Variants in SLC19A1 observed in about 807,000 individuals in gnomAD.
SLC19A1 encodes solute carrier family 19 member 1.
In SLC19A1, 37 loss-of-function variants were observed where a neutral mutation model predicts 35.3. The ratio of observed to expected loss-of-function variants is 1.05; its 90% CI spans 0.81 to 1.38. The LOEUF (loss-of-function observed/expected upper bound fraction) is 1.38, where lower values mean the gene tolerates loss of function less well. SLC19A1 is among the 40% of genes most tolerant of loss of function. The probability of loss-of-function intolerance (pLI) is 0.00; values close to 1 mark genes in which losing one functional copy is unlikely to be tolerated. For synonymous variants in SLC19A1, 460 were observed against 398.5 expected (o/e 1.15, Z -1.84); for missense variants, 831 against 826.9 (o/e 1.00, Z -0.06).
At chr21:45,510,117 C>T (rs370643343), downstream of SLC19A1, 114 of 1,597,076 alleles carry the variant, frequency 7.1e-5, no homozygotes, top group Non-Finnish European at 8.9e-5. Flanking sequence ...GGGGCATCCG[C>T]GGGGCCGACT....
intron 4 of SLC19A1, 96 bp from the exon 5 acceptor site, chr21:45,526,054 C>A: frequency 7.3e-7 from 1 of 1,379,064 alleles, no homozygotes. Context: ...GCCCATGACC[C>A]GCCCGGCAGC....
chr21:45,527,545 G>C (rs949483263), intron 4 of SLC19A1, among the ~76,000 whole-genome samples: 1 of 145,192 alleles, frequency 6.9e-6, no homozygotes, highest in African/African-American at 2.6e-5. Flanking sequence ...CTGGAGGTGA[G>C]TGGCAGCCAG....
At chr21:45,535,831 G>A (rs748344623) in intron 2 of SLC19A1, among the ~76,000 whole-genome samples, 3 of 152,244 alleles carry the variant, frequency 2.0e-5, no homozygotes, top group Non-Finnish European at 4.4e-5. Flanking sequence ...CACGTGGAAC[G>A]TCTCTCAAGT....
Position 45,506,305 on chromosome 21 carries a change from G to GC in SLC19A1, c.498-7694dup, listed in dbSNP as rs558586163. 6.8e-4 allele frequency: 254 copies of GC among 373,066 alleles called. 1 individual carries two copies. Among genetic ancestry groups the GC allele is most frequent in the African/African-American group, 4.8e-3 (227 of 47,696 alleles). The allele number at this position is 373,066 out of a possible 1,614,324, so 23.1% of individuals were successfully genotyped here. On this transcript the variant is annotated intron_variant, in intron 3 of 4. Coordinates refer to the SLC19A1 transcript ENST00000417954. ...CCTGACGGGACGAGGCGGCAGGGGG[G>GC]CTCAGGCCCTCCAGGGCCACGTGAC... is the stretch of plus-strand genomic sequence containing the variant.
In SLC19A1 at chr21:45,512,767, C is replaced by T. The variant is rs886057140; in HGVS notation, c.*2891G>A. The T allele has an allele frequency of 1.9e-5, 7 of 364,704 alleles. No homozygotes were observed. The East Asian group carries it at 3.5e-4, about 18-fold the overall frequency. The allele number at this position is 364,704 out of a possible 1,614,324, so 22.6% of individuals were successfully genotyped here. ...TGCTCGCCCCAGCAGGTGCTGACTT[C>T]ATCTCCCACCTAGCAGCACCGTTCT... On this transcript the variant is annotated 3_prime_UTR_variant, in exon 6 of 6. Coordinates refer to ENST00000311124, the MANE Select transcript of SLC19A1 (RefSeq NM_194255.4).
At chr21:45,546,029 C>T (rs749034016), upstream of SLC19A1, among the ~76,000 whole-genome samples, 1 of 152,232 alleles carries the variant, frequency 6.6e-6, no homozygotes, top group Non-Finnish European at 1.5e-5. Flanking sequence ...TCCCAGCGGC[C>T]AGGGGTAGCC....
At chr21:45,507,538 G>C (rs2037290502) in intron 3 of SLC19A1, 1 of 1,610,566 alleles carries the variant, frequency 6.2e-7, no homozygotes, top group Non-Finnish European at 8.5e-7. Flanking sequence ...CAGGTCCTGG[G>C]TGACCCTGCT....
At chr21:45,521,969 G>A (rs1248892909) in intron 5 of SLC19A1, among the ~76,000 whole-genome samples, 1 of 152,108 alleles carries the variant, frequency 6.6e-6, no homozygotes, top group East Asian at 1.9e-4. Context: ...AGGAAAAACT[G>A]TTAAATCAGA....
intron 5 of SLC19A1, among the ~76,000 whole-genome samples, chr21:45,523,009 A>G (rs1024051062): frequency 3.3e-5 from 5 of 152,292 alleles, no homozygotes; most frequent in Admixed American, 3.3e-4. Context: ...TGTATTATTT[A>G]TTAAACAGCA....
chr21:45,507,859 A>G (rs1177192834), downstream of SLC19A1, among the ~76,000 whole-genome samples: 1 of 152,206 alleles, frequency 6.6e-6, no homozygotes, highest in Non-Finnish European at 1.5e-5. Flanking sequence ...TCTGCCGCTC[A>G]TTGCCCTCCT....
At position 45,531,835 on chromosome 21, in the gene SLC19A1, G is replaced by C. The variant is rs1465512846; in HGVS notation, c.503C>G (p.Ser168Cys). The C allele has an allele frequency of 4.4e-6, 7 of 1,587,598 alleles. No individual in the cohort carries two copies. The highest frequency in any genetic ancestry group is 6.0e-6 in the Non-Finnish European group (7 of 1,167,680). ...AAVLLGVFTS[S>C]VLGQLLVTVG... is the part of the protein sequence containing the mutation. ...AGTGACCAGCAGCTGGCCCAGCACG[G>C]AGCTGGTGAACACGCCCAGCAGCAC... Residue 168 changes from serine (S) to cysteine (C), a missense_variant, in exon 3 of 6, where the codon TCC becomes TGC. Physicochemically the swap from Ser to Cys is moderately radical, Grantham distance 112. Coordinates refer to ENST00000311124, the MANE Select transcript of SLC19A1 (RefSeq NM_194255.4).
At chr21:45,525,044 G>A (rs2077561248) in intron 5 of SLC19A1, among the ~76,000 whole-genome samples, 1 of 152,226 alleles carries the variant, frequency 6.6e-6, no homozygotes, top group South Asian at 2.1e-4. Context: ...CACCTAACAG[G>A]CATTTGTGAG....
At chr21:45,502,607 A>G (rs1159350919) in intron 3 of SLC19A1, 1 of 152,342 alleles carries the variant, frequency 6.6e-6, no homozygotes, top group African/African-American at 2.4e-5. Flanking sequence ...AAGGCGAACA[A>G]CATTCCTGCA....
intron 5 of SLC19A1, among the ~76,000 whole-genome samples, chr21:45,523,826 G>C (rs981419126): frequency 6.6e-6 from 1 of 152,206 alleles, no homozygotes; most frequent in African/African-American, 2.4e-5. Context: ...ACTGCTGTCT[G>C]GGGACAGAGG....
chr21:45,512,829 G>A lies in SLC19A1; in HGVS notation c.*2829C>T, dbSNP rs368394587. 82 of 290,526 alleles carry A rather than the reference G, an allele frequency of 2.8e-4. No homozygotes were observed. Among genetic ancestry groups the A allele is most frequent in the African/African-American group, 1.6e-3 (73 of 45,462 alleles). The allele number at this position is 290,526 out of a possible 1,614,324, so 18.0% of individuals were successfully genotyped here. ...CCAGACCTGTTAGCAGACAGGCCCCGTGAGGCAATGGGAGCTGAGGCCACA... is the reference window on the plus strand; with the variant it reads ...CCAGACCTGTTAGCAGACAGGCCCCATGAGGCAATGGGAGCTGAGGCCACA... On this transcript the variant is annotated 3_prime_UTR_variant, in exon 6 of 6. Transcript: ENST00000311124.
rs761126883 is a variant in SLC19A1, at chr21:45,531,879, G to A, written c.459C>T (p.Ala153=). ...LVRPARYQRV[A]GYSRAAVLLG... ...GCAGCACCGCAGCGCGCGAGTAGCC[G>A]GCCACACGCTGGTAGCGCGCGGGCC... The change falls in exon 3 of 6, where the codon GCC becomes GCT. Residue 153 remains alanine, a synonymous_variant. Coordinates refer to ENST00000311124, the MANE Select transcript of SLC19A1 (RefSeq NM_194255.4). The A allele has an allele frequency of 1.1e-5, 17 of 1,586,792 alleles. No individual in the cohort carries two copies. In the Middle Eastern group the frequency reaches 1.7e-3, roughly 155 times the overall value.
intron 1 of SLC19A1, among the ~76,000 whole-genome samples, chr21:45,561,177 C>G (rs2078612100): frequency 6.6e-6 from 1 of 152,200 alleles, no homozygotes. Context: ...CAACACCCAG[C>G]TGGGGGCAAA....
chr21:45,506,905 G>A (rs977423590), intron 3 of SLC19A1: 3 of 215,870 alleles, frequency 1.4e-5, no homozygotes, highest in African/African-American at 6.9e-5. Context: ...CCTTCATCTG[G>A]CCAGGGAGAG....
Position 45,514,796 on chromosome 21 carries a change from C to CG in SLC19A1, c.*861dup. 2 of 534,354 alleles carry CG rather than the reference C, an allele frequency of 3.7e-6. No individual in the cohort carries two copies. The highest frequency in any genetic ancestry group is 5.5e-5 in the South Asian group (2 of 36,216). 33.1% of individuals were successfully genotyped at this position (534,354 alleles called of 1,614,324 possible). ...CCCGCACCTGTGGGCAAGGCACTAG[C>CG]GCTCCTTAGACCCTGAGGCCGCTGG... On this transcript the variant is annotated 3_prime_UTR_variant, in exon 6 of 6. Transcript: ENST00000311124.
Sources: gnomAD v4.1 joint callset for allele counts (sites outside exome capture counted in the v4.1 genomes callset) on GRCh38, gnomAD v4.1.1 for gene constraint, MANE v1.5 for transcripts, NCBI Gene and HGNC (gene_info 2026-07-23, HGNC 2026-07-21) for gene names.